Variants in PVT1 observed in about 807,000 individuals in gnomAD.
The protein encoded by PVT1 is Pvt1 oncogene.
chr8:127,824,493 C>T (rs1027764288), intron 2 of PVT1, among the ~76,000 whole-genome samples: 7 of 152,040 alleles, frequency 4.6e-5, no homozygotes, highest in Admixed American at 6.6e-5. Flanking sequence ...TATCCAGGAG[C>T]GTGGGTCATC....
chr8:127,795,576 A>G (rs1814386135), intron 1 of PVT1, among the ~76,000 whole-genome samples: 1 of 151,082 alleles, frequency 6.6e-6, no homozygotes, highest in African/African-American at 2.4e-5. Context: ...TTCCAGAGAG[A>G]GGCTGTTAGC....
In PVT1 at chr8:127,861,143, C is replaced by A. The variant is rs183797242; in HGVS notation, n.373-29446C>A. Among the ~76,000 whole-genome samples the A allele has an allele frequency of 5.5e-4, 84 of 152,202 alleles. 1 individual carries two copies. Among genetic ancestry groups the A allele is most frequent in the Non-Finnish European group, 9.6e-4 (65 of 68,006 alleles). On this transcript the variant is annotated intron_variant and non_coding_transcript_variant, in intron 2 of 10. Transcript: ENST00000651587. The stretch of plus-strand genomic sequence containing the variant: ...ATGTTTTTTTCTCCCAACCATTCTT[C>A]TGTATTTTATTCCACCCAGCCACCC...
chr8:128,071,463 C>T (rs1264792191), intron 5 of PVT1, among the ~76,000 whole-genome samples: 2 of 151,816 alleles, frequency 1.3e-5, no homozygotes, highest in Non-Finnish European at 2.9e-5. Flanking sequence ...GGGAGGATCA[C>T]TTGAGGCCAG....
intron 2 of PVT1, among the ~76,000 whole-genome samples, chr8:127,822,636 C>T (rs1030318054): frequency 6.6e-6 from 1 of 152,074 alleles, no homozygotes; most frequent in Non-Finnish European, 1.5e-5. Flanking sequence ...GTAAGTCCAT[C>T]GGGACAAATC....
chr8:128,030,207 A>G (rs1355148680), intron 4 of PVT1, among the ~76,000 whole-genome samples: 3 of 152,242 alleles, frequency 2.0e-5, no homozygotes, highest in Non-Finnish European at 4.4e-5. Flanking sequence ...TACACACACT[A>G]GAATTGCTAG....
intron 2 of PVT1, among the ~76,000 whole-genome samples, chr8:127,860,237 C>T (rs955326082): frequency 5.9e-5 from 9 of 152,140 alleles, no homozygotes; most frequent in Admixed American, 5.9e-4. Context: ...CTGGCAGAAT[C>T]GGCTTCCAGC....
chr8:127,885,812 A>G (rs1344177466), intron 2 of PVT1, among the ~76,000 whole-genome samples: 7 of 152,212 alleles, frequency 4.6e-5, no homozygotes, highest in Admixed American at 4.6e-4. Context: ...TTGGGAGTCT[A>G]ACTTCAAACT....
At chr8:127,954,295 C>CT (rs11387135) in intron 3 of PVT1, among the ~76,000 whole-genome samples, 44,300 of 115,900 alleles carry the variant, frequency 0.38, 9,808 homozygotes, top group African/African-American at 0.49. Context: ...CAAGTACCCA[C>CT]TTTTTTTTTT....
chr8:127,859,673 G>A lies in PVT1; in HGVS notation n.373-30916G>A, dbSNP rs142605180. On this transcript the variant is annotated intron_variant and non_coding_transcript_variant, in intron 2 of 10. Transcript: ENST00000651587. The stretch of plus-strand genomic sequence containing the variant: ...TTCTGTCTAAACGGAGCAGGCTCAG[G>A]GCCATGCTGAACTTGGAGAAATCTG... Among the ~76,000 whole-genome samples, 20 of 152,124 alleles carry A rather than the reference G, an allele frequency of 1.3e-4. No homozygotes were observed. In the East Asian group the frequency reaches 3.7e-3, roughly 28 times the overall value.
At chr8:127,962,194 T>A (rs2129947976) in intron 3 of PVT1, among the ~76,000 whole-genome samples, 1 of 152,074 alleles carries the variant, frequency 6.6e-6, no homozygotes, top group South Asian at 2.1e-4. Context: ...CTCAATCTCT[T>A]GATCTCGTGA....
chr8:128,074,894 A>T (rs1814064740), intron 5 of PVT1, among the ~76,000 whole-genome samples: 1 of 152,260 alleles, frequency 6.6e-6, no homozygotes. Flanking sequence ...CAATTTTGGC[A>T]GAGCCATTTC....
chr8:127,857,989 G>A (rs916120446), intron 2 of PVT1, among the ~76,000 whole-genome samples: 2 of 152,156 alleles, frequency 1.3e-5, no homozygotes, highest in Admixed American at 1.3e-4. Flanking sequence ...TAAAGAGAAT[G>A]GAGTTGAATG....
intron 4 of PVT1, among the ~76,000 whole-genome samples, chr8:128,047,637 A>G: frequency 6.6e-6 from 1 of 152,214 alleles, no homozygotes; most frequent in East Asian, 1.9e-4. Context: ...GCATGATGAG[A>G]AGAGAATCTT....
chr8:128,054,638 C>T (rs1170847225), intron 4 of PVT1, among the ~76,000 whole-genome samples: 3 of 152,136 alleles, frequency 2.0e-5, no homozygotes, highest in Non-Finnish European at 2.9e-5. Context: ...TGGCTGGTTG[C>T]CTCTTGCCAC....
At chr8:127,829,256 A>C (rs1218754997) in intron 2 of PVT1, among the ~76,000 whole-genome samples, 1 of 152,192 alleles carries the variant, frequency 6.6e-6, no homozygotes, top group African/African-American at 2.4e-5. Flanking sequence ...CAGCCTGGGC[A>C]ATAAGAGTGA....
intron 4 of PVT1, among the ~76,000 whole-genome samples, chr8:127,999,613 C>A (rs1424567426): frequency 6.6e-6 from 1 of 152,144 alleles, no homozygotes; most frequent in Non-Finnish European, 1.5e-5. Context: ...AGGTGCACAC[C>A]ACCACACCTG....
At chr8:128,041,585 T>C (rs1429940472) in intron 4 of PVT1, among the ~76,000 whole-genome samples, 1 of 143,434 alleles carries the variant, frequency 7.0e-6, no homozygotes, top group East Asian at 2.1e-4. Context: ...TGTTTGTGTG[T>C]GTTTGCGTGT....
intron 2 of PVT1, among the ~76,000 whole-genome samples, chr8:127,872,399 A>G (rs560718393): frequency 2.6e-5 from 4 of 152,288 alleles, no homozygotes; most frequent in East Asian, 3.9e-4. Flanking sequence ...GGTGGCAGAG[A>G]GAGTATCCGT....
chr8:127,848,398 AT>A (rs1289392324), intron 2 of PVT1, among the ~76,000 whole-genome samples: 1 of 151,992 alleles, frequency 6.6e-6, no homozygotes, highest in East Asian at 1.9e-4. Flanking sequence ...AAAACCACAA[AT>A]TTGGCTGGGC....
Sources: allele counts gnomAD v4.1 joint callset (sites outside exome capture counted in the v4.1 genomes callset), GRCh38; gene constraint gnomAD v4.1.1; transcripts MANE v1.5; gene names NCBI Gene and HGNC (gene_info 2026-07-23, HGNC 2026-07-21).